CSMD1: variants seen among roughly 807,000 people sequenced by gnomAD.
CSMD1 encodes CUB and Sushi multiple domains 1, also known as CUB and sushi domain-containing protein 1.
CSMD1 carries 213 observed loss-of-function variants against 417.5 expected under a neutral mutation model. That is an observed-to-expected ratio of 0.51 (90% CI 0.46 to 0.57). The LOEUF (loss-of-function observed/expected upper bound fraction) is 0.57, where lower values mean the gene tolerates loss of function less well. Ranked by LOEUF, CSMD1 falls within the 20% of genes least tolerant of loss-of-function variation. CSMD1 has a pLI of 0.00. For synonymous variants in CSMD1, 2,862 were observed against 1,736.8 expected (o/e 1.65, Z -16.11); for missense variants, 6,923 against 4,529.7 (o/e 1.53, Z -15.17).
intron 1 of CSMD1, among the ~76,000 whole-genome samples, chr8:4,937,500 G>C (rs1807701217): frequency 6.6e-6 from 1 of 152,124 alleles, no homozygotes; most frequent in African/African-American, 2.4e-5. Context: ...GATTTACAAA[G>C]CACAGAATGG....
At chr8:4,178,599 G>A (rs1172414440) in intron 3 of CSMD1, among the ~76,000 whole-genome samples, 14 of 151,392 alleles carry the variant, frequency 9.2e-5, no homozygotes, top group Non-Finnish European at 1.9e-4. Flanking sequence ...GGCAGGAGAA[G>A]GAAATAAAGG....
intron 1 of CSMD1, among the ~76,000 whole-genome samples, chr8:4,912,842 G>T (rs1323588825): frequency 6.6e-6 from 1 of 152,008 alleles, no homozygotes; most frequent in East Asian, 1.9e-4. Context: ...CTAGAGTGCA[G>T]TGGTGCAACC....
intron 6 of CSMD1, among the ~76,000 whole-genome samples, chr8:3,731,537 G>T (rs914766268): frequency 6.6e-6 from 1 of 152,196 alleles, no homozygotes; most frequent in African/African-American, 2.4e-5. Flanking sequence ...CAGCCAGTAT[G>T]GCTGGGGTGA....
At chr8:4,895,395 C>G (rs957155418) in intron 1 of CSMD1, among the ~76,000 whole-genome samples, 3 of 152,100 alleles carry the variant, frequency 2.0e-5, no homozygotes, top group Non-Finnish European at 4.4e-5. Context: ...CCAAACACAT[C>G]CCTCTTTTTC....
rs1340608674 is a variant in CSMD1 at position 4,215,937 on chromosome 8, A to T, written c.416-183838T>A. On this transcript the variant is annotated intron_variant, in intron 3 of 69. Coordinates refer to ENST00000635120, the MANE Select transcript of CSMD1 (RefSeq NM_033225.6). ...GAGAACGTGGATTCATGCAGGACTG[A>T]ACATGCCAGTTTCTTTTGTTGGCAT... 2.6e-5 allele frequency among the ~76,000 whole-genome samples: 4 copies of T among 152,222 alleles called. No homozygotes were observed. In the South Asian group the frequency reaches 8.3e-4, roughly 31 times the overall value.
At chr8:4,192,450 C>G (rs1799084683) in intron 3 of CSMD1, among the ~76,000 whole-genome samples, 1 of 152,114 alleles carries the variant, frequency 6.6e-6, no homozygotes, top group Non-Finnish European at 1.5e-5. Context: ...CTCTGTGTGG[C>G]TCTCCGTGAA....
At chr8:3,017,194 C>T (rs1360073373) in intron 52 of CSMD1, among the ~76,000 whole-genome samples, 1 of 152,170 alleles carries the variant, frequency 6.6e-6, no homozygotes, top group Admixed American at 6.5e-5. Flanking sequence ...GTGAGTGTCT[C>T]GGACCACCTA....
chr8:4,257,598 A>C (rs1239303636), intron 3 of CSMD1, among the ~76,000 whole-genome samples: 1 of 152,238 alleles, frequency 6.6e-6, no homozygotes. Flanking sequence ...CCTGCGGGAT[A>C]GGAAAATTTG....
chr8:3,369,276 G>T lies in CSMD1; in HGVS notation c.2877C>A (p.Thr959=). The part of the protein sequence containing the change: ...FYPNSLNCTW[T]IEVSHGKGVQ... The stretch of plus-strand genomic sequence containing the variant: ...TACCTTTCCCATGAGACACTTCAAT[G>T]GTCCACGTGCAGTTTAGAGAGTTTG... The change falls in exon 19 of 70, where the codon ACC becomes ACA. Residue 959 remains threonine, a synonymous_variant. Transcript: ENST00000635120. 2 of 1,573,530 alleles carry T rather than the reference G, an allele frequency of 1.3e-6. No homozygotes were observed. Among genetic ancestry groups the T allele is most frequent in the Non-Finnish European group, 1.7e-6 (2 of 1,143,796 alleles).
At chr8:4,880,866 A>T (rs564349482) in intron 1 of CSMD1, among the ~76,000 whole-genome samples, 26 of 152,144 alleles carry the variant, frequency 1.7e-4, no homozygotes, top group Non-Finnish European at 2.8e-4. Flanking sequence ...GCTATTTAGT[A>T]TTATTCATGC....
chr8:4,427,037 G>T, intron 2 of CSMD1, among the ~76,000 whole-genome samples: 1 of 152,196 alleles, frequency 6.6e-6, no homozygotes, highest in Non-Finnish European at 1.5e-5. Context: ...ACGAGAACTG[G>T]TGTAGACGGA....
At chr8:3,985,933 A>T (rs1334702478) in intron 5 of CSMD1, among the ~76,000 whole-genome samples, 3 of 150,426 alleles carry the variant, frequency 2.0e-5, no homozygotes, top group Non-Finnish European at 3.0e-5. Context: ...GCATAACTCA[A>T]TTTTTTTTTC....
At chr8:2,942,386 G>T in intron 69 of CSMD1, 86 bp downstream of exon 69, 2 of 1,118,794 alleles carry the variant, frequency 1.8e-6, no homozygotes, top group Non-Finnish European at 2.5e-6. Context: ...AAATACATGT[G>T]CATGTGAGCA....
At chr8:3,242,756 G>T (rs976915340) in intron 26 of CSMD1, among the ~76,000 whole-genome samples, 1 of 151,818 alleles carries the variant, frequency 6.6e-6, no homozygotes, top group African/African-American at 2.4e-5. Context: ...GACATGGAGG[G>T]AAGGGGTTCG....
intron 2 of CSMD1, among the ~76,000 whole-genome samples, chr8:4,455,420 G>A (rs781412648): frequency 2.0e-5 from 3 of 152,118 alleles, no homozygotes; most frequent in Non-Finnish European, 2.9e-5. Context: ...TGTATCATTA[G>A]AAGGCAAATG....
intron 10 of CSMD1, among the ~76,000 whole-genome samples, chr8:3,503,014 T>C (rs1796672438): frequency 6.6e-6 from 1 of 152,142 alleles, no homozygotes; most frequent in African/African-American, 2.4e-5. Flanking sequence ...GGGGAAACTA[T>C]GTCTTCTGAT....
chr8:4,153,246 A>G (rs1796663398), intron 3 of CSMD1, among the ~76,000 whole-genome samples: 1 of 152,216 alleles, frequency 6.6e-6, no homozygotes, highest in African/African-American at 2.4e-5. Context: ...AGTATGCCAG[A>G]AATGATACAT....
At chr8:3,306,645 T>C (rs1804873180) in intron 25 of CSMD1, among the ~76,000 whole-genome samples, 1 of 149,196 alleles carries the variant, frequency 6.7e-6, no homozygotes, top group Non-Finnish European at 1.5e-5. Flanking sequence ...GTACAGAAAA[T>C]TAATAACAAC....
intron 1 of CSMD1, among the ~76,000 whole-genome samples, chr8:4,935,835 C>G (rs1585362811): frequency 2.0e-5 from 3 of 152,134 alleles, no homozygotes; most frequent in Non-Finnish European, 2.9e-5. Context: ...TGCTGTTTAC[C>G]AAAAGCAGAT....
Sources: gnomAD v4.1 joint callset for allele counts (sites outside exome capture counted in the v4.1 genomes callset) on GRCh38, gnomAD v4.1.1 for gene constraint, MANE v1.5 for transcripts, NCBI Gene and HGNC (gene_info 2026-07-23, HGNC 2026-07-21) for gene names.